The following HNRNPH3 variants were observed in gnomAD, a reference collection of about 807,000 sequenced individuals.
HNRNPH3 encodes heterogeneous nuclear ribonucleoprotein 2H9.
HNRNPH3 carries 7 observed loss-of-function variants against 47.0 expected under a neutral mutation model. The ratio of observed to expected loss-of-function variants is 0.15; its 90% CI spans 0.08 to 0.28. The LOEUF (loss-of-function observed/expected upper bound fraction) is 0.28, where lower values mean the gene tolerates loss of function less well. Among genes scored for constraint, HNRNPH3 ranks in the 10% least tolerant of loss-of-function variants. HNRNPH3 has a pLI of 1.00. For missense variants in HNRNPH3, 279 were observed against 449.6 expected (o/e 0.62, Z 3.43); for synonymous variants, 120 against 143.2 (o/e 0.84, Z 1.16).
chr10:68,337,769 A>T lies in HNRNPH3; in HGVS notation c.113-89A>T, dbSNP rs1379876360. On this transcript the variant is annotated intron_variant, in intron 2 of 9. Transcript: ENST00000265866. The surrounding 1 kb of genome is among the most constrained non-coding windows in gnomAD (Gnocchi z 4.5). ...TTTTTTGTTTTGTTTTGTTTTGTTT[A>T]GACTTGTTTTAAATATTTGATTCAG... The T allele has an allele frequency of 8.2e-6, 5 of 607,478 alleles. No individual in the cohort carries two copies. Among genetic ancestry groups the T allele is most frequent in the African/African-American group, 7.9e-5 (4 of 50,904 alleles). The allele number at this position is 607,478 out of a possible 1,614,324, so 37.6% of individuals were successfully genotyped here.
In HNRNPH3 at chr10:68,337,413, C is replaced by T. The variant is rs2045597950; in HGVS notation, c.112+80C>T. On this transcript the variant is annotated intron_variant, in intron 2 of 9. Coordinates refer to ENST00000265866, the MANE Select transcript of HNRNPH3 (RefSeq NM_012207.3). The surrounding 1 kb of genome is among the most constrained non-coding windows in gnomAD (Gnocchi z 4.5). ...TTTTACTGTTTTTAATTTGTAAAAC[C>T]CATTTGATTTTGGAACTTTTAAGTT... The T allele has an allele frequency of 7.7e-6, 7 of 913,380 alleles. No homozygotes were observed. The highest frequency in any genetic ancestry group is 1.0e-5 in the Non-Finnish European group (6 of 583,030). 56.6% of individuals were successfully genotyped at this position (913,380 alleles called of 1,614,324 possible).
In HNRNPH3 at chr10:68,341,838, T is replaced by G. The variant is rs761323979; in HGVS notation, c.951T>G (p.Gly317=). The change falls in exon 9 of 10, where the codon GGT becomes GGG. Residue 317 remains glycine, a synonymous_variant. Coordinates refer to ENST00000265866, the MANE Select transcript of HNRNPH3 (RefSeq NM_012207.3). ...GTGGAGGATATGGTACTCCTGATGG[T>G]TTGGGTGGTTATGGTAAGTATCTCT... ...NYSGGYGTPD[G]LGGYGRGGGG... The G allele has an allele frequency of 1.2e-6, 2 of 1,610,246 alleles. No homozygotes were observed. The highest frequency in any genetic ancestry group is 1.7e-6 in the Non-Finnish European group (2 of 1,177,610).
At chr10:68,340,435 G>A (rs1333352287) in intron 6 of HNRNPH3, among the ~76,000 whole-genome samples, 1 of 152,226 alleles carries the variant, frequency 6.6e-6, no homozygotes, top group Non-Finnish European at 1.5e-5. Flanking sequence ...AGGAATAGAT[G>A]CTGCTGTTGT....
chr10:68,335,365 A>G (rs1263970103), intron 1 of HNRNPH3, among the ~76,000 whole-genome samples: 1 of 150,668 alleles, frequency 6.6e-6, no homozygotes, highest in Non-Finnish European at 1.5e-5. Context: ...GATCTGTACC[A>G]CTTTTTCCGT....
intron 3 of HNRNPH3, 83 bp downstream of exon 3, chr10:68,338,079 A>G (rs2045629276): frequency 3.8e-6 from 4 of 1,063,942 alleles, no homozygotes; most frequent in Admixed American, 2.5e-5. Context: ...GGGGGTAGCC[A>G]TAACATTTTT....
At position 68,338,630 on chromosome 10, in the gene HNRNPH3, G is replaced by A; in HGVS notation, c.379G>A (p.Ala127Thr). Reference sequence around the variant, plus strand: ...AGGAGGAAGAGGGGGTTATTATGGAGCTGGGCGTGGAAGTATGTATGACAG... The same window carrying A: ...AGGAGGAAGAGGGGGTTATTATGGAACTGGGCGTGGAAGTATGTATGACAG... Reference protein sequence around the residue: ...PIGGRGGYYGAGRGSMYDRMR... With the variant: ...PIGGRGGYYGTGRGSMYDRMR... The change falls in exon 4 of 10, where the codon GCT becomes ACT. Residue 127 changes from alanine (A) to threonine (T), a missense_variant. Coordinates refer to ENST00000265866, the MANE Select transcript of HNRNPH3 (RefSeq NM_012207.3). 6.2e-7 allele frequency: 1 copy of A among 1,612,640 alleles called. No individual in the cohort carries two copies.
intron 1 of HNRNPH3, among the ~76,000 whole-genome samples, chr10:68,335,323 GTTC>G (rs2045487952): frequency 6.7e-6 from 1 of 150,008 alleles, no homozygotes; most frequent in East Asian, 1.9e-4. Context: ...AATTTGCAGA[GTTC>G]TTCAATTTTT....
chr10:68,341,126 C>CT (rs1479600641), intron 6 of HNRNPH3, 48 bp from the exon 7 acceptor site: 18 of 1,354,744 alleles, frequency 1.3e-5, no homozygotes, highest in Middle Eastern at 1.9e-4. Flanking sequence ...TGGTAATTTA[C>CT]TTTAATATTC....
At chr10:68,335,958 G>A (rs1316828006) in intron 1 of HNRNPH3, among the ~76,000 whole-genome samples, 2 of 152,148 alleles carry the variant, frequency 1.3e-5, no homozygotes, top group Admixed American at 6.5e-5. Context: ...AGGGCTGAAG[G>A]TGATTGACAC....
rs996022351 is a variant in HNRNPH3, at chr10:68,337,395, G to A, written c.112+62G>A. 1.9e-6 allele frequency: 2 copies of A among 1,065,182 alleles called. No individual in the cohort carries two copies. The highest frequency in any genetic ancestry group is 2.9e-6 in the Non-Finnish European group (2 of 701,090). The allele number at this position is 1,065,182 out of a possible 1,614,324, so 66.0% of individuals were successfully genotyped here. ...AATTTTATATTTGTATTGTTTTACT[G>A]TTTTTAATTTGTAAAACCCATTTGA... On this transcript the variant is annotated intron_variant, in intron 2 of 9. Coordinates refer to ENST00000265866, the MANE Select transcript of HNRNPH3 (RefSeq NM_012207.3). This position sits in a 1 kb window ranked among gnomAD's most constrained non-coding sequence, Gnocchi z 4.5.
At chr10:68,341,129 T>C (rs2045906300) in intron 6 of HNRNPH3, 45 bp from the exon 7 acceptor site, 24 of 1,383,512 alleles carry the variant, frequency 1.7e-5, no homozygotes, top group Non-Finnish European at 2.4e-5. Context: ...TAATTTACTT[T>C]AATATTCTCA....
chr10:68,332,465 A>G (rs1029058534), intron 1 of HNRNPH3, among the ~76,000 whole-genome samples: 1 of 152,240 alleles, frequency 6.6e-6, no homozygotes, highest in Non-Finnish European at 1.5e-5. Context: ...GGGGACATCC[A>G]GCATTTTCCC....
chr10:68,337,609 T>C lies in HNRNPH3; in HGVS notation c.113-249T>C. ...AGCATATATTTGATTTTGTAGCCTT[T>C]TTTCATGTAATATAGGTGGGCTTTT... On this transcript the variant is annotated intron_variant, in intron 2 of 9. Transcript: ENST00000265866. The surrounding 1 kb of genome is among the most constrained non-coding windows in gnomAD (Gnocchi z 4.5). 1.9e-6 allele frequency: 1 copy of C among 528,368 alleles called. No individual in the cohort carries two copies. Among genetic ancestry groups the C allele is most frequent in the South Asian group, 2.9e-5 (1 of 34,342 alleles). The allele number at this position is 528,368 out of a possible 1,614,324, so 32.7% of individuals were successfully genotyped here. A position where few individuals can be genotyped will look rare whatever the true frequency, so the allele number is the denominator to read the frequency against.
chr10:68,339,074 T>C, intron 4 of HNRNPH3, 66 bp from the exon 5 acceptor site: 1 of 1,296,954 alleles, frequency 7.7e-7, no homozygotes, highest in Non-Finnish European at 1.1e-6. Context: ...AATGTTTTTG[T>C]AAACTAAATT....
At chr10:68,334,561 T>C (rs1327289361) in intron 1 of HNRNPH3, among the ~76,000 whole-genome samples, 1 of 152,216 alleles carries the variant, frequency 6.6e-6, no homozygotes, top group East Asian at 1.9e-4. Flanking sequence ...TCCATACCCT[T>C]TACTGGTCAT....
chr10:68,336,281 G>A (rs1410913813), intron 1 of HNRNPH3, among the ~76,000 whole-genome samples: 1 of 152,094 alleles, frequency 6.6e-6, no homozygotes, highest in Non-Finnish European at 1.5e-5. Flanking sequence ...TGCAGCTGAA[G>A]GACTTCTGCA....
intron 1 of HNRNPH3, among the ~76,000 whole-genome samples, chr10:68,335,235 C>CT (rs72408822): frequency 0.035 from 4,741 of 136,726 alleles, 81 homozygotes; most frequent in African/African-American, 0.061. Context: ...TTTTTCTTTT[C>CT]TTTTTTTTTT....
At chr10:68,338,712 T>A in intron 4 of HNRNPH3, 25 bp downstream of exon 4, 2 of 1,512,400 alleles carry the variant, frequency 1.3e-6, no homozygotes, top group Non-Finnish European at 1.8e-6. Flanking sequence ...TGAACAAAGG[T>A]TCTGTTGTCA....
rs376806196 is a variant in HNRNPH3 at position 68,341,225 on chromosome 10, G to A, written c.691G>A (p.Gly231Ser). The change falls in exon 7 of 10, where the codon GGC (glycine) becomes AGC (serine). Residue 231 changes from glycine to serine, a missense_variant. By Grantham distance (56) the Gly-to-Ser change is moderately conservative. Around this residue, in one of 2 missense-constraint regions of HNRNPH3, gnomAD observed 239 missense variants for 335.8 expected, o/e 0.71. Transcript: ENST00000265866. The stretch of plus-strand genomic sequence containing the variant: ...AGTTCATATTGATATTGGAGCTGAT[G>A]GCAGAGCCACAGGAGAAGCAGATGT... ...IRVHIDIGAD[G>S]RATGEADVEF... 7.5e-6 allele frequency: 12 copies of A among 1,601,120 alleles called. No individual in the cohort carries two copies. The highest frequency in any genetic ancestry group is 1.0e-5 in the Non-Finnish European group (12 of 1,175,980).
Sources: gnomAD v4.1 joint callset for allele counts (sites outside exome capture counted in the v4.1 genomes callset) on GRCh38, gnomAD v4.1.1 for gene constraint, gnomAD v4.1.1 regional missense constraint, Gnocchi (gnomAD v3.1) non-coding constraint, MANE v1.5 for transcripts, NCBI Gene and HGNC (gene_info 2026-07-23, HGNC 2026-07-21) for gene names.